DIP2C: variants seen among roughly 807,000 people sequenced by gnomAD.
DIP2C encodes disco-interacting protein 2 homolog C.
Under a neutral mutation model 192.4 loss-of-function variants are expected in DIP2C, and 33 were observed. That is an observed-to-expected ratio of 0.17 (90% CI 0.13 to 0.23). The LOEUF is 0.23. Ranked by LOEUF, DIP2C falls within the 10% of genes least tolerant of loss-of-function variation. The probability of loss-of-function intolerance (pLI) is 1.00; values close to 1 mark genes in which losing one functional copy is unlikely to be tolerated. For synonymous variants in DIP2C, 979 were observed against 864.1 expected, an observed-to-expected ratio of 1.13 and a Z score of -2.33; for missense variants, 1,537 against 2,110.1, an observed-to-expected ratio of 0.73 and a Z score of 5.32.
chr10:299,231 A>G (rs376465829), intron 32 of DIP2C, among the ~76,000 whole-genome samples: 1 of 152,234 alleles, frequency 6.6e-6, no homozygotes, highest in East Asian at 1.9e-4. Context: ...TAGGAATACT[A>G]TCTTACAGAA....
rs1390917965 is a variant in DIP2C at position 347,559 on chromosome 10, C to T, written c.3231+1082G>A. On this transcript the variant is annotated intron_variant, in intron 26 of 36. Transcript: ENST00000280886. The stretch of plus-strand genomic sequence containing the variant: ...ACCCAGACACATCGCGCATAGCTCT[C>T]CCGGAAACCCCACACGCACCCAGAC... 1.5e-5 allele frequency among the ~76,000 whole-genome samples: 2 copies of T among 134,560 alleles called. 1 individual carries two copies. Among genetic ancestry groups the T allele is most frequent in the Non-Finnish European group, 3.1e-5 (2 of 63,586 alleles). 88.3% of individuals were successfully genotyped at this position (134,560 alleles called of 152,430 possible).
At chr10:627,267 G>A (rs1450976666) in intron 1 of DIP2C, among the ~76,000 whole-genome samples, 2 of 152,202 alleles carry the variant, frequency 1.3e-5, no homozygotes, top group East Asian at 1.9e-4. Flanking sequence ...GGCCGGACAA[G>A]GGCCCAGGGC....
chr10:340,846 G>C, intron 29 of DIP2C: 1 of 464,204 alleles, frequency 2.2e-6, no homozygotes, highest in Non-Finnish European at 4.3e-6. Flanking sequence ...GTGACAGCCT[G>C]CAATGCCTGC....
At chr10:521,211 A>G (rs1846685590) in intron 1 of DIP2C, among the ~76,000 whole-genome samples, 1 of 152,200 alleles carries the variant, frequency 6.6e-6, no homozygotes, top group South Asian at 2.1e-4. Context: ...ATCAGCTCTT[A>G]AAAACAACCA....
At position 374,302 on chromosome 10, in the gene DIP2C, G is replaced by A. The variant is rs541346121; in HGVS notation, c.1992-4669C>T. On this transcript the variant is annotated intron_variant, in intron 17 of 36. Coordinates refer to ENST00000280886, the MANE Select transcript of DIP2C (RefSeq NM_014974.3). The stretch of plus-strand genomic sequence containing the variant: ...GCACATATACTTAAATTTTTAAGAA[G>A]ACCTAAATATCCTCCCAAAATAACA... Among the ~76,000 whole-genome samples the A allele has an allele frequency of 1.7e-3, 264 of 152,236 alleles. 1 individual carries two copies. The highest frequency in any genetic ancestry group is 3.2e-3 in the Non-Finnish European group (215 of 68,014).
intron 30 of DIP2C, 120 bp from the exon 31 acceptor site, chr10:327,296 C>A: frequency 8.8e-7 from 1 of 1,135,430 alleles, no homozygotes; most frequent in African/African-American, 1.6e-5. Flanking sequence ...CTATGCATTT[C>A]CAGGGCCACC....
Position 274,239 on chromosome 10 carries a change from A to G in DIP2C, c.*3086T>C, listed in dbSNP as rs544179610. 4 of 149,870 alleles carry G rather than the reference A, an allele frequency of 2.7e-5. No individual in the cohort carries two copies. The South Asian group carries it at 8.3e-4, about 31-fold the overall frequency. The allele number at this position is 149,870 out of a possible 1,614,324, so 9.3% of individuals were successfully genotyped here. A position where few individuals can be genotyped will look rare whatever the true frequency, so the allele number is the denominator to read the frequency against. On this transcript the variant is annotated 3_prime_UTR_variant, in exon 37 of 37. Transcript: ENST00000280886. ...ATTTAGATATATTTAAAAGAATTAAAAAAAACATTTCACAAAACATTTGTT... is the reference window on the plus strand; with the variant it reads ...ATTTAGATATATTTAAAAGAATTAAGAAAAACATTTCACAAAACATTTGTT...
At chr10:508,105 C>A (rs1845752359) in intron 1 of DIP2C, among the ~76,000 whole-genome samples, 1 of 148,020 alleles carries the variant, frequency 6.8e-6, no homozygotes, top group Non-Finnish European at 1.5e-5. Flanking sequence ...CAGCCACCTT[C>A]CCCCAACGCC....
intron 2 of DIP2C, among the ~76,000 whole-genome samples, chr10:483,042 C>T (rs371550512): frequency 1.9e-4 from 29 of 152,334 alleles, no homozygotes; most frequent in African/African-American, 6.7e-4. Flanking sequence ...GTGCTCAGCA[C>T]CAACGCTCAC....
intron 31 of DIP2C, among the ~76,000 whole-genome samples, chr10:321,194 C>T (rs892976721): frequency 3.3e-5 from 5 of 152,228 alleles, no homozygotes; most frequent in African/African-American, 1.2e-4. Context: ...CAGGTATGTT[C>T]TAAAAAGTGC....
chr10:452,620 G>A (rs775051227), intron 3 of DIP2C, among the ~76,000 whole-genome samples: 6 of 152,184 alleles, frequency 3.9e-5, no homozygotes, highest in South Asian at 2.1e-4. Flanking sequence ...CTTTCACAAC[G>A]TGACACCTAG....
chr10:535,664 C>A (rs572612775), intron 1 of DIP2C, among the ~76,000 whole-genome samples: 2 of 152,126 alleles, frequency 1.3e-5, no homozygotes, highest in Non-Finnish European at 2.9e-5. Flanking sequence ...ATATTACCAT[C>A]TTTTCTCAAG....
chr10:313,227 G>GTGCC (rs1956635282), intron 31 of DIP2C, among the ~76,000 whole-genome samples: 1 of 152,138 alleles, frequency 6.6e-6, no homozygotes, highest in African/African-American at 2.4e-5. Context: ...ATGCAAAAGA[G>GTGCC]TGCCCCTCAG....
intron 1 of DIP2C, among the ~76,000 whole-genome samples, chr10:591,118 G>GTT (rs879406394): frequency 2.7e-5 from 4 of 150,248 alleles, no homozygotes; most frequent in East Asian, 1.9e-4. Flanking sequence ...TCCATTACTG[G>GTT]TTTTTTTTGT....
At chr10:649,919 C>T in intron 1 of DIP2C, 6 of 585,330 alleles carry the variant, frequency 1.0e-5, no homozygotes, top group East Asian at 5.7e-5. Context: ...CCTGCGTCCC[C>T]GTGCGTCACG....
At chr10:504,161 G>C (rs1383791438) in intron 1 of DIP2C, among the ~76,000 whole-genome samples, 1 of 152,234 alleles carries the variant, frequency 6.6e-6, no homozygotes, top group Admixed American at 6.5e-5. Flanking sequence ...GCAATAAAGA[G>C]TATTTATCCC....
chr10:630,568 T>C (rs759224578), intron 1 of DIP2C: 1 of 152,274 alleles, frequency 6.6e-6, no homozygotes, highest in South Asian at 2.1e-4. Flanking sequence ...TACTTAAACA[T>C]GTCCCCAAAG....
chr10:433,779 C>T (rs1387089271), intron 4 of DIP2C, among the ~76,000 whole-genome samples: 1 of 152,118 alleles, frequency 6.6e-6, no homozygotes, highest in Admixed American at 6.5e-5. Flanking sequence ...AAGTAGATTT[C>T]TTATATAGAC....
chr10:497,920 G>A (rs1015778487), intron 1 of DIP2C, among the ~76,000 whole-genome samples: 3 of 152,194 alleles, frequency 2.0e-5, no homozygotes, highest in Admixed American at 2.0e-4. Context: ...TGCCTGTGCT[G>A]GAGTGCAGTG....
Sources: allele counts gnomAD v4.1 joint callset (sites outside exome capture counted in the v4.1 genomes callset), GRCh38; gene constraint gnomAD v4.1.1; transcripts MANE v1.5; gene names NCBI Gene and HGNC (gene_info 2026-07-23, HGNC 2026-07-21).